The following GARNL3 variants were observed in gnomAD, a reference collection of about 807,000 sequenced individuals.
GARNL3 encodes GTPase activating Rap/RanGAP domain like 3.
Under a neutral mutation model 125.0 loss-of-function variants are expected in GARNL3, and 63 were observed. That is an observed-to-expected ratio of 0.50 (90% CI 0.41 to 0.62). The LOEUF is 0.62. Among genes scored for constraint, GARNL3 ranks in the 20% least tolerant of loss-of-function variants. The probability of loss-of-function intolerance (pLI) is 0.00; values close to 1 mark genes in which losing one functional copy is unlikely to be tolerated. For missense variants in GARNL3, 994 were observed against 1,244.0 expected (o/e 0.80, Z 3.02); for synonymous variants, 439 against 457.5 (o/e 0.96, Z 0.52).
intron 22 of GARNL3, among the ~76,000 whole-genome samples, chr9:127,372,578 T>G (rs1202577869): frequency 6.6e-6 from 1 of 152,206 alleles, no homozygotes; most frequent in Non-Finnish European, 1.5e-5. Context: ...CTTTGTAAAT[T>G]TTAGCTCTAC....
chr9:127,352,684 C>T (rs1349066197), intron 17 of GARNL3, among the ~76,000 whole-genome samples: 1 of 152,142 alleles, frequency 6.6e-6, no homozygotes, highest in Admixed American at 6.5e-5. Context: ...CAAATCTGAG[C>T]CCTCAGAGGC....
At chr9:127,259,950 T>C (rs1009074904), upstream of GARNL3, among the ~76,000 whole-genome samples, 8 of 152,292 alleles carry the variant, frequency 5.3e-5, no homozygotes, top group African/African-American at 1.7e-4. Context: ...GGAGGATCGC[T>C]TAAACCCAGG....
chr9:127,359,606 C>G (rs755321782), intron 21 of GARNL3, among the ~76,000 whole-genome samples: 13 of 152,190 alleles, frequency 8.5e-5, no homozygotes, highest in Non-Finnish European at 1.5e-4. Flanking sequence ...TTCCTGGCAG[C>G]TAGTTTCCTA....
intron 2 of GARNL3, among the ~76,000 whole-genome samples, chr9:127,304,817 G>A (rs1038872051): frequency 1.3e-5 from 2 of 152,084 alleles, no homozygotes; most frequent in Non-Finnish European, 2.9e-5. Flanking sequence ...GATTACAAGC[G>A]TGAGCCACCA....
At chr9:127,290,215 G>A (rs189988676) in intron 1 of GARNL3, among the ~76,000 whole-genome samples, 19 of 152,282 alleles carry the variant, frequency 1.2e-4, no homozygotes, top group Admixed American at 6.5e-4. Flanking sequence ...TATATTTATC[G>A]TAGGAAAAAT....
chr9:127,339,735 C>T lies in GARNL3; in HGVS notation c.1119C>T (p.Asp373=), dbSNP rs1419082067. The part of the protein sequence containing the change: ...PVFTDHQEFR[D]FLLVKLINGE... Reference sequence around the variant, plus strand: ...TTACAGACCACCAGGAATTCAGGGACTTTTTGCTAGTGAAATGTAAGTTTC... The same window carrying T: ...TTACAGACCACCAGGAATTCAGGGATTTTTTGCTAGTGAAATGTAAGTTTC... Residue 373 remains aspartate, a synonymous_variant, in exon 13 of 28, where the codon GAC becomes GAT. Transcript: ENST00000373387. 2.5e-6 allele frequency: 4 copies of T among 1,611,204 alleles called. No individual in the cohort carries two copies. The highest frequency in any genetic ancestry group is 2.2e-5 in the East Asian group (1 of 44,880).
chr9:127,232,933 C>T (rs1040224424), intron 1 of GARNL3, among the ~76,000 whole-genome samples: 4 of 152,218 alleles, frequency 2.6e-5, no homozygotes, highest in Non-Finnish European at 1.5e-5. Flanking sequence ...TAGCATATGA[C>T]TTGGCATGGT....
chr9:127,312,722 G>A (rs1463312368), intron 3 of GARNL3, among the ~76,000 whole-genome samples: 1 of 152,212 alleles, frequency 6.6e-6, no homozygotes, highest in African/African-American at 2.4e-5. Context: ...GTGTATTATT[G>A]TAAGAAGTTC....
At chr9:127,295,900 C>T (rs547916266) in intron 2 of GARNL3, among the ~76,000 whole-genome samples, 70 of 152,202 alleles carry the variant, frequency 4.6e-4, no homozygotes, top group African/African-American at 1.4e-3. Context: ...ATTATTATTA[C>T]ATTGTAATAT....
chr9:127,374,121 G>A (rs1422434877), intron 22 of GARNL3, among the ~76,000 whole-genome samples: 1 of 152,052 alleles, frequency 6.6e-6, no homozygotes, highest in Non-Finnish European at 1.5e-5. Flanking sequence ...GACCAACATG[G>A]TAAAACCTCG....
Position 127,280,179 on chromosome 9 carries a change from G to A in GARNL3, c.145-10989G>A, listed in dbSNP as rs1473303167. Among the ~76,000 whole-genome samples the A allele has an allele frequency of 6.6e-6, 1 of 152,286 alleles. No individual in the cohort carries two copies. The highest frequency in any genetic ancestry group is 1.9e-4 in the East Asian group (1 of 5,186). ...AAAAACAGGATGCAGATTGTGAAGA[G>A]GTTAAATCTCCCCCAGCCCCTTGGC... On this transcript the variant is annotated intron_variant, in intron 1 of 27. Coordinates refer to ENST00000373387, the MANE Select transcript of GARNL3 (RefSeq NM_032293.5). This position sits in a 1 kb window ranked among gnomAD's most constrained non-coding sequence, Gnocchi z 4.5.
At chr9:127,327,438 G>A (rs2065609434) in intron 7 of GARNL3, among the ~76,000 whole-genome samples, 1 of 152,190 alleles carries the variant, frequency 6.6e-6, no homozygotes, top group Non-Finnish European at 1.5e-5. Context: ...GTTGATTCTT[G>A]AACATGTGGA....
chr9:127,305,648 C>T (rs1013819650), intron 2 of GARNL3, among the ~76,000 whole-genome samples: 12 of 152,024 alleles, frequency 7.9e-5, no homozygotes, highest in Admixed American at 3.3e-4. Flanking sequence ...TCATGGCTCA[C>T]TGCAGCCTCA....
chr9:127,285,181 C>T (rs1185412555), intron 1 of GARNL3, among the ~76,000 whole-genome samples: 2 of 152,144 alleles, frequency 1.3e-5, no homozygotes, highest in African/African-American at 4.8e-5. Flanking sequence ...GCTCATGCCT[C>T]GGCACTTTGG....
At chr9:127,248,567 T>C (rs1360732741) in intron 2 of GARNL3, among the ~76,000 whole-genome samples, 1 of 151,792 alleles carries the variant, frequency 6.6e-6, no homozygotes, top group Non-Finnish European at 1.5e-5. Flanking sequence ...AGCAAGGAAA[T>C]TTCTTATTTT....
At chr9:127,245,631 C>T (rs374866200) in intron 2 of GARNL3, among the ~76,000 whole-genome samples, 1 of 152,228 alleles carries the variant, frequency 6.6e-6, no homozygotes, top group East Asian at 1.9e-4. Context: ...AGAACCACTA[C>T]CATTTTGTGG....
chr9:127,335,154 C>T (rs1470598198), intron 9 of GARNL3, 76 bp from the exon 10 acceptor site: 31 of 981,360 alleles, frequency 3.2e-5, no homozygotes, highest in Non-Finnish European at 4.8e-5. Flanking sequence ...CAGTATTTCC[C>T]TAGTCTGCAA....
chr9:127,287,589 A>T (rs1264295974), intron 1 of GARNL3, among the ~76,000 whole-genome samples: 1 of 152,174 alleles, frequency 6.6e-6, no homozygotes, highest in East Asian at 1.9e-4. Context: ...TGCTTTAGTT[A>T]GCAAGCTGTG....
intron 2 of GARNL3, among the ~76,000 whole-genome samples, chr9:127,294,597 C>T (rs553166528): frequency 6.6e-5 from 10 of 152,286 alleles, no homozygotes; most frequent in African/African-American, 1.7e-4. Context: ...CCGCTGCGCC[C>T]GGCCTCCAGT....
Sources: allele counts gnomAD v4.1 joint callset (sites outside exome capture counted in the v4.1 genomes callset), GRCh38; gene constraint gnomAD v4.1.1; non-coding constraint Gnocchi (gnomAD v3.1); transcripts MANE v1.5; gene names NCBI Gene and HGNC (gene_info 2026-07-23, HGNC 2026-07-21).